NIBAN2: variants seen among roughly 807,000 people sequenced by gnomAD.
The protein encoded by NIBAN2 is protein Niban 2.
NIBAN2 carries 36 observed loss-of-function variants against 81.8 expected under a neutral mutation model. The ratio of observed to expected loss-of-function variants is 0.44; its 90% CI spans 0.34 to 0.58. The LOEUF is 0.58. Among genes scored for constraint, NIBAN2 ranks in the 20% least tolerant of loss-of-function variants. NIBAN2 has a pLI of 0.02. For synonymous variants in NIBAN2, 445 were observed against 441.6 expected (o/e 1.01, Z -0.10); for missense variants, 897 against 1,014.1 (o/e 0.88, Z 1.57).
At chr9:127,541,536 G>A (rs967572793) in intron 1 of NIBAN2, among the ~76,000 whole-genome samples, 7 of 152,154 alleles carry the variant, frequency 4.6e-5, no homozygotes, top group African/African-American at 7.2e-5. Flanking sequence ...GCCTGTGGGT[G>A]GCCTCCACGG....
intron 1 of NIBAN2, among the ~76,000 whole-genome samples, chr9:127,558,329 G>C (rs1315024241): frequency 6.6e-6 from 1 of 152,044 alleles, no homozygotes; most frequent in Non-Finnish European, 1.5e-5. Flanking sequence ...GGCCCTGCAC[G>C]GGTGCGGGGG....
upstream of NIBAN2, among the ~76,000 whole-genome samples, chr9:127,571,557 A>C (rs1305456018): frequency 1.2e-4 from 19 of 152,300 alleles, no homozygotes; most frequent in Admixed American, 8.5e-4. Flanking sequence ...TTAGCTGGGC[A>C]TGGTGGCACG....
At chr9:127,575,526 CT>C (rs60340873) in intron 1 of NIBAN2, among the ~76,000 whole-genome samples, 7,642 of 122,252 alleles carry the variant, frequency 0.063, 220 homozygotes, top group Non-Finnish European at 0.093. Flanking sequence ...GTGCTGGGCC[CT>C]TTTTTTTTTT....
intron 1 of NIBAN2, among the ~76,000 whole-genome samples, chr9:127,574,433 G>T (rs1369392667): frequency 6.6e-6 from 1 of 152,072 alleles, no homozygotes; most frequent in Admixed American, 6.6e-5. Flanking sequence ...AATAATATTT[G>T]GCTTTAAAAG....
intron 1 of NIBAN2, among the ~76,000 whole-genome samples, chr9:127,547,251 C>T (rs1052488548): frequency 7.2e-5 from 11 of 152,148 alleles, no homozygotes; most frequent in African/African-American, 2.7e-4. Flanking sequence ...AGCAACCTGG[C>T]CAGGTGCGGT....
At chr9:127,548,554 C>T (rs1205965461) in intron 1 of NIBAN2, among the ~76,000 whole-genome samples, 2 of 152,338 alleles carry the variant, frequency 1.3e-5, no homozygotes, top group East Asian at 3.9e-4. Flanking sequence ...GCTTTGTTGT[C>T]ACCAGTCCCT....
chr9:127,517,907 C>A lies in NIBAN2; in HGVS notation c.624G>T (p.Ala208=). ...GGTACATGCGGATGGCATCTGTGAA[C>A]GCAGGGCCCTCTACCTTGGAGTCCT... is the stretch of plus-strand genomic sequence containing the variant. ...IPEDSKVEGP[A]FTDAIRMYRQ... is the part of the protein sequence containing the mutation. The change falls in exon 6 of 14, where the codon GCG becomes GCT. Residue 208 remains alanine, a synonymous_variant. Transcript: ENST00000373312. This position sits in a 1 kb window ranked among gnomAD's most constrained non-coding sequence, Gnocchi z 4.0. The A allele has an allele frequency of 6.2e-7, 1 of 1,612,336 alleles. No individual in the cohort carries two copies. The highest frequency in any genetic ancestry group is 8.5e-7 in the Non-Finnish European group (1 of 1,179,162).
At chr9:127,529,173 G>T (rs1490397546) in intron 2 of NIBAN2, among the ~76,000 whole-genome samples, 3 of 152,222 alleles carry the variant, frequency 2.0e-5, no homozygotes, top group Admixed American at 6.5e-5. Flanking sequence ...GACAGCACAG[G>T]CCCCAAGGTC....
intron 1 of NIBAN2, among the ~76,000 whole-genome samples, chr9:127,578,667 T>TAA (rs1015593125): frequency 2.2e-5 from 3 of 137,930 alleles, no homozygotes; most frequent in African/African-American, 5.3e-5. Flanking sequence ...AAACTCCGCC[T>TAA]AAAAAAAAAA....
chr9:127,550,274 C>T (rs920601373), intron 1 of NIBAN2, among the ~76,000 whole-genome samples: 5 of 152,158 alleles, frequency 3.3e-5, no homozygotes, highest in African/African-American at 7.2e-5. Context: ...CATGAGACAA[C>T]GCTCCTTCCT....
chr9:127,524,986 G>C (rs2132177436), intron 4 of NIBAN2, 72 bp downstream of exon 4: 3 of 1,205,938 alleles, frequency 2.5e-6, no homozygotes, highest in Non-Finnish European at 3.7e-6. Flanking sequence ...AATGGGCTCA[G>C]GGCCACCCCT....
intron 2 of NIBAN2, among the ~76,000 whole-genome samples, chr9:127,528,057 G>T (rs1367088004): frequency 1.3e-5 from 2 of 152,224 alleles, no homozygotes; most frequent in Non-Finnish European, 2.9e-5. Context: ...TTGAGCATCA[G>T]TTTCCTCATC....
At chr9:127,525,488 G>A (rs923335295) in intron 3 of NIBAN2, among the ~76,000 whole-genome samples, 1 of 152,088 alleles carries the variant, frequency 6.6e-6, no homozygotes, top group Non-Finnish European at 1.5e-5. Context: ...ATTCAGGATG[G>A]GGAAAACATT....
chr9:127,561,559 A>C (rs775798527), intron 1 of NIBAN2, among the ~76,000 whole-genome samples: 77 of 152,184 alleles, frequency 5.1e-4, no homozygotes, highest in Non-Finnish European at 6.5e-4. Flanking sequence ...ACACCAGTCC[A>C]TCCAGTGGCA....
rs1344430685 is a variant in NIBAN2 at position 127,506,891 on chromosome 9, A to C, written c.2195T>G (p.Leu732Arg). 5.6e-6 allele frequency: 9 copies of C among 1,612,520 alleles called. No homozygotes were observed. Among genetic ancestry groups the C allele is most frequent in the Non-Finnish European group, 7.6e-6 (9 of 1,179,464 alleles). Residue 732 changes from leucine to arginine, a missense_variant, in exon 14 of 14, where the codon CTC becomes CGC. Physicochemically the swap from Leu to Arg is moderately radical, Grantham distance 102 (BLOSUM62 -2). This residue lies in a region of NIBAN2 where 619 missense variants were observed against 691.0 expected (regional missense o/e 0.90). Transcript: ENST00000373312. ...QVSSPSSHPALHTTTEDSAGV... is the reference protein window; with the variant it reads ...QVSSPSSHPARHTTTEDSAGV... ...TGCACTGTCCTCGGTGGTGGTGTGG[A>C]GGGCGGGGTGGCTGCTGGGGCTGGA...
Position 127,508,308 on chromosome 9 carries a change from C to A in NIBAN2, c.1435-108G>T. 7.6e-7 allele frequency: 1 copy of A among 1,309,518 alleles called. No homozygotes were observed. The allele number at this position is 1,309,518 out of a possible 1,614,324, so 81.1% of individuals were successfully genotyped here. On this transcript the variant is annotated intron_variant, in intron 11 of 13. Coordinates refer to ENST00000373312, the MANE Select transcript of NIBAN2 (RefSeq NM_022833.4). The surrounding 1 kb of genome is among the most constrained non-coding windows in gnomAD (Gnocchi z 6.4). Reference sequence around the variant, plus strand: ...CCAAGCCTCCGAGTCCTCATCCGCACAAGAGGACCATGGCGCCTCCTTGCA... The same window carrying A: ...CCAAGCCTCCGAGTCCTCATCCGCAAAAGAGGACCATGGCGCCTCCTTGCA...
In NIBAN2 at chr9:127,507,925, C is replaced by A. The variant is rs1383173764; in HGVS notation, c.1596G>T (p.Leu532=). The change falls in exon 13 of 14, where the codon CTG becomes CTT. Residue 532 remains leucine (L), a synonymous_variant. Transcript: ENST00000373312. The surrounding 1 kb of genome is among the most constrained non-coding windows in gnomAD (Gnocchi z 6.8). Reference sequence around the variant, plus strand: ...CCACCTCCTCGTACGTGTTTTCCACCAGGATGAACCTGGCAAAGTCCTCGA... The same window carrying A: ...CCACCTCCTCGTACGTGTTTTCCACAAGGATGAACCTGGCAAAGTCCTCGA... The part of the protein sequence containing the change: ...LIFEDFARFI[L]VENTYEEVVL... 1 of 1,614,192 alleles carries A rather than the reference C, an allele frequency of 6.2e-7. No homozygotes were observed. The highest frequency in any genetic ancestry group is 8.5e-7 in the Non-Finnish European group (1 of 1,180,048).
rs1410154652 is a variant in NIBAN2, at chr9:127,506,936, T to C, written c.2150A>G (p.Gln717Arg). 1 of 1,611,018 alleles carries C rather than the reference T, an allele frequency of 6.2e-7. No homozygotes were observed. The highest frequency in any genetic ancestry group is 2.2e-5 in the East Asian group (1 of 44,866). ...GCTGGACACCTGCTCTCCAGTCTCCTGGTCGCTGGGCTTGGGGGGCCCAAG... is the reference window on the plus strand; with the variant it reads ...GCTGGACACCTGCTCTCCAGTCTCCCGGTCGCTGGGCTTGGGGGGCCCAAG... ...VDLGPPKPSD[Q>R]ETGEQVSSPS... The change falls in exon 14 of 14, where the codon CAG (glutamine) becomes CGG (arginine). Residue 717 changes from glutamine to arginine, a missense_variant. By Grantham distance (43) the Gln-to-Arg change is conservative. Coordinates refer to ENST00000373312, the MANE Select transcript of NIBAN2 (RefSeq NM_022833.4).
chr9:127,552,684 G>GTTTTTTT (rs919155330), intron 1 of NIBAN2, among the ~76,000 whole-genome samples: 9 of 97,970 alleles, frequency 9.2e-5, no homozygotes, highest in Admixed American at 1.2e-4. Flanking sequence ...TGGAATATTC[G>GTTTTTTT]TTTTTTTTTT....
Sources: allele counts gnomAD v4.1 joint callset (sites outside exome capture counted in the v4.1 genomes callset), GRCh38; gene constraint gnomAD v4.1.1; regional missense constraint gnomAD v4.1.1; non-coding constraint Gnocchi (gnomAD v3.1); transcripts MANE v1.5; gene names NCBI Gene and HGNC (gene_info 2026-07-23, HGNC 2026-07-21).